Variants in KIF5C observed in about 807,000 individuals in gnomAD.
KIF5C encodes the protein kinesin heavy chain isoform 5C.
A neutral mutation model predicts 125.2 loss-of-function variants in KIF5C; 18 were observed. That is an observed-to-expected ratio of 0.14 (90% confidence interval 0.10 to 0.21). KIF5C has a LOEUF of 0.21. Ranked by LOEUF, KIF5C falls within the 10% of genes least tolerant of loss-of-function variation. The pLI, the probability that KIF5C is intolerant of heterozygous loss-of-function variation, is 1.00. For missense variants in KIF5C, 780 were observed against 1,183.8 expected, an observed-to-expected ratio of 0.66 and a Z score of 5.01; for synonymous variants, 405 against 434.0, an observed-to-expected ratio of 0.93 and a Z score of 0.83.
intron 25 of KIF5C, among the ~76,000 whole-genome samples, chr2:149,012,524 C>T (rs1040668468): frequency 1.3e-5 from 2 of 152,280 alleles, no homozygotes; most frequent in African/African-American, 4.8e-5. Context: ...TGGACCCCTC[C>T]TCATCCAGTC....
intron 11 of KIF5C, among the ~76,000 whole-genome samples, chr2:148,964,226 G>A (rs1682995612): frequency 6.7e-6 from 1 of 149,440 alleles, no homozygotes; most frequent in African/African-American, 2.5e-5. Context: ...AGTGAGCCGA[G>A]AACCCACCAT....
At chr2:148,921,759 A>G (rs769951019) in intron 1 of KIF5C, among the ~76,000 whole-genome samples, 10 of 151,706 alleles carry the variant, frequency 6.6e-5, no homozygotes, top group Non-Finnish European at 1.3e-4. Flanking sequence ...TATCTGCTCA[A>G]CTTAATTGAA....
chr2:148,932,713 G>T (rs1302164661), intron 3 of KIF5C, among the ~76,000 whole-genome samples: 1 of 152,172 alleles, frequency 6.6e-6, no homozygotes, highest in Non-Finnish European at 1.5e-5. Flanking sequence ...CCCAAGAGAC[G>T]CTTGGAGGTC....
At chr2:148,919,147 TG>T (rs1485685059) in intron 1 of KIF5C, among the ~76,000 whole-genome samples, 3 of 152,218 alleles carry the variant, frequency 2.0e-5, no homozygotes, top group Admixed American at 2.0e-4. Context: ...CATGTGAATC[TG>T]GATGTTAGAA....
intron 7 of KIF5C, among the ~76,000 whole-genome samples, chr2:148,944,685 A>G (rs1049618178): frequency 6.6e-6 from 1 of 152,256 alleles, no homozygotes; most frequent in African/African-American, 2.4e-5. Flanking sequence ...TCTCATGGTA[A>G]TTCTACTTTC....
At chr2:148,922,734 G>A (rs879407186) in intron 2 of KIF5C, among the ~76,000 whole-genome samples, 1 of 152,102 alleles carries the variant, frequency 6.6e-6, no homozygotes, top group Non-Finnish European at 1.5e-5. Flanking sequence ...TTACCGTGTT[G>A]GTTATTGAGC....
intron 4 of KIF5C, among the ~76,000 whole-genome samples, chr2:148,940,704 G>A (rs1026197903): frequency 2.6e-5 from 4 of 152,168 alleles, no homozygotes; most frequent in African/African-American, 9.7e-5. Context: ...AGTTTATTGG[G>A]TAGGCAGACA....
At chr2:148,956,834 A>C (rs1682803426) in intron 10 of KIF5C, among the ~76,000 whole-genome samples, 1 of 152,160 alleles carries the variant, frequency 6.6e-6, no homozygotes, top group African/African-American at 2.4e-5. Flanking sequence ...AAACCCTGAG[A>C]GTTTTTAGAA....
At chr2:148,983,251 G>C (rs146065911) in intron 14 of KIF5C, among the ~76,000 whole-genome samples, 266 of 152,328 alleles carry the variant, frequency 1.7e-3, no homozygotes, top group African/African-American at 6.3e-3. Context: ...GGGGACCCTT[G>C]CAGGTAAGTT....
intron 8 of KIF5C, chr2:148,947,234 T>C: frequency 1.5e-6 from 1 of 656,756 alleles, no homozygotes; most frequent in Non-Finnish European, 2.4e-6. Context: ...GCAGGTGCTT[T>C]GCATGCCAAC....
At chr2:148,992,867 A>G (rs1681563101) in intron 16 of KIF5C, among the ~76,000 whole-genome samples, 1 of 152,252 alleles carries the variant, frequency 6.6e-6, no homozygotes, top group South Asian at 2.1e-4. Flanking sequence ...TTTCTAGGTC[A>G]TCTATGATAC....
chr2:149,011,150 G>A (rs1682181554), intron 24 of KIF5C, among the ~76,000 whole-genome samples: 1 of 152,108 alleles, frequency 6.6e-6, no homozygotes, highest in African/African-American at 2.4e-5. Flanking sequence ...GCATGTGTAG[G>A]ATTTCATACC....
intron 24 of KIF5C, 149 bp from the exon 25 acceptor site, chr2:149,011,421 A>G (rs1682192514): frequency 1.8e-5 from 21 of 1,168,638 alleles, no homozygotes; most frequent in Non-Finnish European, 2.2e-5. Context: ...TAGTTTTCCC[A>G]TTTTCAGAGA....
In KIF5C at chr2:149,019,810, A is replaced by G. The variant is rs183710935; in HGVS notation, c.*8-3268A>G. 1.1e-3 allele frequency among the ~76,000 whole-genome samples: 163 copies of G among 152,388 alleles called. 2 individuals are homozygous for G. Among genetic ancestry groups the G allele is most frequent in the African/African-American group, 3.5e-3 (147 of 41,594 alleles). ...ATTGCAAAAGCCCAAGTTGGGTGTG[A>G]AAACGGTCTCTAAATACTTCTTGCA... On this transcript the variant is annotated intron_variant, in intron 25 of 25. Transcript: ENST00000435030.
intron 10 of KIF5C, among the ~76,000 whole-genome samples, chr2:148,961,491 T>C (rs1327642228): frequency 1.3e-5 from 2 of 152,202 alleles, no homozygotes; most frequent in Non-Finnish European, 2.9e-5. Flanking sequence ...TATAAGAAAC[T>C]GCAGTCTCCA....
At chr2:148,992,590 A>T (rs1681556208) in intron 16 of KIF5C, among the ~76,000 whole-genome samples, 1 of 152,252 alleles carries the variant, frequency 6.6e-6, no homozygotes, top group East Asian at 1.9e-4. Context: ...TCTTATAAAA[A>T]ATGTAAAAAC....
intron 16 of KIF5C, among the ~76,000 whole-genome samples, chr2:148,993,931 ATGG>A (rs1681596833): frequency 6.6e-6 from 1 of 152,010 alleles, no homozygotes; most frequent in African/African-American, 2.4e-5. Flanking sequence ...TGGGGTGGTG[ATGG>A]TGGGGAGGGA....
At chr2:148,896,938 T>G (rs1246632054) in intron 1 of KIF5C, among the ~76,000 whole-genome samples, 2 of 152,130 alleles carry the variant, frequency 1.3e-5, no homozygotes, top group African/African-American at 4.8e-5. Flanking sequence ...GTTCAGGCGA[T>G]TCTCCTGCCT....
At chr2:148,968,180 A>G (rs1170982934) in intron 11 of KIF5C, among the ~76,000 whole-genome samples, 2 of 152,212 alleles carry the variant, frequency 1.3e-5, no homozygotes, top group Non-Finnish European at 2.9e-5. Context: ...ATAATTGCCT[A>G]TAAGATTAAA....
Sources: gnomAD v4.1 joint callset for allele counts (sites outside exome capture counted in the v4.1 genomes callset) on GRCh38, gnomAD v4.1.1 for gene constraint, MANE v1.5 for transcripts, NCBI Gene and HGNC (gene_info 2026-07-23, HGNC 2026-07-21) for gene names.